The following LRRC7 variants were observed in gnomAD, a reference collection of about 807,000 sequenced individuals.
LRRC7 encodes the protein leucine rich repeat containing 7, also known as leucine-rich repeat-containing protein 7.
In LRRC7, 23 loss-of-function variants were observed where a neutral mutation model predicts 175.7. The ratio of observed to expected loss-of-function variants is 0.13; its 90% CI spans 0.09 to 0.19. The LOEUF (loss-of-function observed/expected upper bound fraction) is 0.19. Among genes scored for constraint, LRRC7 ranks in the 10% least tolerant of loss-of-function variants. The pLI, the probability that LRRC7 is intolerant of heterozygous loss-of-function variation, is 1.00. For missense variants in LRRC7, 1,354 were observed against 1,904.7 expected, an observed-to-expected ratio of 0.71 and a Z score of 5.38; for synonymous variants, 685 against 680.9, an observed-to-expected ratio of 1.01 and a Z score of -0.09.
chr1:69,636,164 C>T (rs1214941397), intron 1 of LRRC7, among the ~76,000 whole-genome samples: 1 of 151,858 alleles, frequency 6.6e-6, no homozygotes, highest in Non-Finnish European at 1.5e-5. Flanking sequence ...TTTTATATTT[C>T]TTGAAAAAAG....
intron 7 of LRRC7, among the ~76,000 whole-genome samples, chr1:69,887,104 G>A (rs1307731072): frequency 2.9e-5 from 4 of 137,082 alleles, no homozygotes; most frequent in Admixed American, 1.5e-4. Context: ...TCTTGGAGTT[G>A]CTCTTCTCGA....
At position 70,058,416 on chromosome 1, in the gene LRRC7, T is replaced by C. The variant is rs1029414593; in HGVS notation, c.4230+5271T>C. Among the ~76,000 whole-genome samples, 7 of 152,316 alleles carry C rather than the reference T, an allele frequency of 4.6e-5. No homozygotes were observed. The South Asian group carries it at 1.2e-3, about 27-fold the overall frequency. On this transcript the variant is annotated intron_variant, in intron 23 of 26. Coordinates refer to ENST00000651989, the MANE Select transcript of LRRC7 (RefSeq NM_001370785.2). ...TGACACCCCAAAATTCCAGGCAGTATTATATGAATACTTTAAGAACTGCTG... is the reference window on the plus strand; with the variant it reads ...TGACACCCCAAAATTCCAGGCAGTACTATATGAATACTTTAAGAACTGCTG...
At position 69,696,503 on chromosome 1, in the gene LRRC7, C is replaced by T. The variant is rs115717558; in HGVS notation, c.100+18025C>T. Among the ~76,000 whole-genome samples the T allele has an allele frequency of 6.5e-3, 990 of 152,034 alleles. 10 individuals are homozygous for T. Among genetic ancestry groups the T allele is most frequent in the African/African-American group, 0.022 (924 of 41,436 alleles). On this transcript the variant is annotated intron_variant, in intron 2 of 26. Transcript: ENST00000651989. ...TGGAATTAGTTAAGACTTTTGAGGACGATCAGGAAGTGATGATTGTATTTT... is the reference window on the plus strand; with the variant it reads ...TGGAATTAGTTAAGACTTTTGAGGATGATCAGGAAGTGATGATTGTATTTT...
chr1:69,789,295 T>C (rs1674843509), intron 3 of LRRC7, among the ~76,000 whole-genome samples: 1 of 152,092 alleles, frequency 6.6e-6, no homozygotes, highest in South Asian at 2.1e-4. Flanking sequence ...AAATGTAAAA[T>C]ACCATTAGCA....
At chr1:69,655,152 G>T (rs1656421210) in intron 1 of LRRC7, among the ~76,000 whole-genome samples, 1 of 152,014 alleles carries the variant, frequency 6.6e-6, no homozygotes. Context: ...AATATTTAAT[G>T]AAGTTAAATA....
chr1:69,613,408 G>C (rs1002001304), intron 1 of LRRC7, among the ~76,000 whole-genome samples: 1 of 151,914 alleles, frequency 6.6e-6, no homozygotes, highest in Non-Finnish European at 1.5e-5. Context: ...CATTACATTG[G>C]GGGTGAGGAT....
intron 8 of LRRC7, among the ~76,000 whole-genome samples, chr1:69,944,680 T>G (rs1294543051): frequency 2.6e-5 from 4 of 151,162 alleles, no homozygotes; most frequent in South Asian, 2.1e-4. Flanking sequence ...ATTATTTTGG[T>G]TTTTTTTTCT....
chr1:70,038,637 A>T lies in LRRC7; in HGVS notation c.2813A>T (p.Asn938Ile). 2 of 1,614,114 alleles carry T rather than the reference A, an allele frequency of 1.2e-6. No homozygotes were observed. Among genetic ancestry groups the T allele is most frequent in the Non-Finnish European group, 1.7e-6 (2 of 1,179,996 alleles). Reference sequence around the variant, plus strand: ...GTACCATGGGAGTATCATGATTCCAATCCCAACAGGAGTCTTAGTAATGTC... The same window carrying T: ...GTACCATGGGAGTATCATGATTCCATTCCCAACAGGAGTCTTAGTAATGTC... ...PGVPWEYHDSNPNRSLSNVFS... is the reference protein window; with the variant it reads ...PGVPWEYHDSIPNRSLSNVFS... The change falls in exon 21 of 27, where the codon AAT becomes ATT. Residue 938 changes from asparagine (N) to isoleucine (I), a missense_variant. By Grantham distance (149) the Asn-to-Ile change is moderately radical (BLOSUM62 -3). Coordinates refer to ENST00000651989, the MANE Select transcript of LRRC7 (RefSeq NM_001370785.2).
At chr1:69,695,505 G>C (rs1469350855) in intron 2 of LRRC7, among the ~76,000 whole-genome samples, 1 of 152,180 alleles carries the variant, frequency 6.6e-6, no homozygotes, top group Non-Finnish European at 1.5e-5. Context: ...ATTGAAATGA[G>C]ATTCAAAGCC....
chr1:70,074,467 C>T (rs1195944986), intron 23 of LRRC7, among the ~76,000 whole-genome samples: 2 of 152,152 alleles, frequency 1.3e-5, no homozygotes, highest in Non-Finnish European at 2.9e-5. Flanking sequence ...TAGAGAAATA[C>T]AGATTTGCCC....
intron 8 of LRRC7, among the ~76,000 whole-genome samples, chr1:69,949,040 G>C (rs1243351969): frequency 2.0e-5 from 3 of 151,624 alleles, no homozygotes; most frequent in Non-Finnish European, 4.4e-5. Flanking sequence ...ACTATGGCCT[G>C]TTTTGCTCTC....
intron 1 of LRRC7, among the ~76,000 whole-genome samples, chr1:69,599,444 C>G (rs1456108333): frequency 2.6e-5 from 4 of 152,224 alleles, no homozygotes; most frequent in African/African-American, 9.6e-5. Flanking sequence ...AAAATGAACT[C>G]TAGTCTTTAT....
chr1:70,038,206 C>G lies in LRRC7; in HGVS notation c.2382C>G (p.Asp794Glu). ...CAGGCAATATACCACAGCGTCCTGA[C>G]CGGCTGCCCATGAGTGATACTTTCA... ...VPPGNIPQRPDRLPMSDTFTD... is the reference protein window; with the variant it reads ...VPPGNIPQRPERLPMSDTFTD... Residue 794 changes from aspartate to glutamate, a missense_variant, in exon 21 of 27, where the codon GAC becomes GAG. Asp to Glu is a conservative substitution (Grantham distance 45). This residue lies in a region of LRRC7 where 1,032 missense variants were observed against 1,227.2 expected (regional missense o/e 0.84). Transcript: ENST00000651989. The G allele has an allele frequency of 6.2e-7, 1 of 1,614,148 alleles. No individual in the cohort carries two copies. Among genetic ancestry groups the G allele is most frequent in the East Asian group, 2.2e-5 (1 of 44,860 alleles).
intron 3 of LRRC7, among the ~76,000 whole-genome samples, chr1:69,768,671 A>G (rs1417445): frequency 1 from 151,834 of 152,308 alleles, 75,684 homozygotes; most frequent in Non-Finnish European, 1. Context: ...GGGGAAAGTT[A>G]GAGCATATCT....
intron 3 of LRRC7, 135 bp downstream of exon 3, chr1:69,760,528 C>T (rs1670925446): frequency 2.8e-6 from 2 of 719,428 alleles, no homozygotes; most frequent in South Asian, 3.7e-5. Flanking sequence ...TATAACTTCC[C>T]CCAATATTCT....
At chr1:70,056,437 T>C (rs1661158374) in intron 23 of LRRC7, among the ~76,000 whole-genome samples, 1 of 152,198 alleles carries the variant, frequency 6.6e-6, no homozygotes, top group South Asian at 2.1e-4. Context: ...ATACTATGCC[T>C]CAACTTTAGT....
Position 69,685,709 on chromosome 1 carries a change from A to G in LRRC7, c.100+7231A>G, listed in dbSNP as rs1315900005. ...GAGAATATACACTAAACAAAAATGA[A>G]CAGAACCTCAGGGATTTGTGGAAAA... On this transcript the variant is annotated intron_variant, in intron 2 of 26. Transcript: ENST00000651989. Among the ~76,000 whole-genome samples the G allele has an allele frequency of 2.0e-5, 3 of 152,036 alleles. No homozygotes were observed. In the East Asian group the frequency reaches 5.8e-4, roughly 29 times the overall value.
intron 1 of LRRC7, among the ~76,000 whole-genome samples, chr1:69,648,568 T>C (rs1378799598): frequency 2.0e-5 from 3 of 152,202 alleles, no homozygotes; most frequent in African/African-American, 7.2e-5. Context: ...CACAGGGGCC[T>C]TCACTAGCAG....
chr1:69,959,388 A>G (rs568821725), intron 8 of LRRC7, among the ~76,000 whole-genome samples: 2 of 152,222 alleles, frequency 1.3e-5, no homozygotes, highest in African/African-American at 2.4e-5. Flanking sequence ...TCAGTGATAT[A>G]TCAATAACTG....
Sources: allele counts gnomAD v4.1 joint callset (sites outside exome capture counted in the v4.1 genomes callset), GRCh38; gene constraint gnomAD v4.1.1; regional missense constraint gnomAD v4.1.1; transcripts MANE v1.5; gene names NCBI Gene and HGNC (gene_info 2026-07-23, HGNC 2026-07-21).